Variants in RRBP1 observed in about 807,000 individuals in gnomAD.
The protein encoded by RRBP1 is ribosome-binding protein 1.
RRBP1 carries 94 observed loss-of-function variants against 165.2 expected under a neutral mutation model. That is an observed-to-expected ratio of 0.57 (90% CI 0.48 to 0.68). The LOEUF (loss-of-function observed/expected upper bound fraction) is 0.68, where lower values mean the gene tolerates loss of function less well. RRBP1 is among the 30% of genes least tolerant of loss of function. RRBP1 has a pLI of 0.00. For synonymous variants in RRBP1, 680 were observed against 714.5 expected, an observed-to-expected ratio of 0.95 and a Z score of 0.77; for missense variants, 1,676 against 1,763.0, an observed-to-expected ratio of 0.95 and a Z score of 0.88.
chr20:17,641,905 A>G lies in RRBP1; in HGVS notation c.2076T>C (p.Gly692=), dbSNP rs752526612. The change falls in exon 5 of 25, where the codon GGT becomes GGC. Residue 692 remains glycine, a synonymous_variant. Transcript: ENST00000377813. ...QDTWHKATQK[G]DPVAILKRQL... ...GGCGTTTCAGAATCGCCACAGGGTC[A>G]CCCTTCTGAGTGGCCTAGAAATACC... 1.9e-6 allele frequency: 3 copies of G among 1,613,806 alleles called. No individual in the cohort carries two copies. Among genetic ancestry groups the G allele is most frequent in the Non-Finnish European group, 2.5e-6 (3 of 1,179,782 alleles).
chr20:17,670,820 T>C (rs1190969525), intron 2 of RRBP1, among the ~76,000 whole-genome samples: 3 of 152,192 alleles, frequency 2.0e-5, no homozygotes, highest in Non-Finnish European at 2.9e-5. Context: ...AATGTCTATA[T>C]GTGGATTTAT....
At chr20:17,651,748 G>C (rs1169005459) in intron 3 of RRBP1, among the ~76,000 whole-genome samples, 2 of 152,184 alleles carry the variant, frequency 1.3e-5, no homozygotes, top group African/African-American at 4.8e-5. Flanking sequence ...TTTGTTTGCT[G>C]GAAACACATA....
At chr20:17,620,853 C>A (rs1475824866) in intron 16 of RRBP1, 46 bp from the exon 17 acceptor site, 3 of 1,391,166 alleles carry the variant, frequency 2.2e-6, no homozygotes, top group Non-Finnish European at 2.0e-6. Context: ...CTCCCGAGAC[C>A]CGCACCACAC....
At chr20:17,671,168 G>A (rs981149477) in intron 2 of RRBP1, among the ~76,000 whole-genome samples, 1 of 151,962 alleles carries the variant, frequency 6.6e-6, no homozygotes, top group African/African-American at 2.4e-5. Flanking sequence ...AATTTGCTAG[G>A]TCATTGTATA....
intron 2 of RRBP1, among the ~76,000 whole-genome samples, chr20:17,670,969 C>T (rs1025411920): frequency 1.3e-5 from 2 of 152,212 alleles, no homozygotes; most frequent in African/African-American, 4.8e-5. Context: ...ATCTACTCTT[C>T]CTGAATCTTA....
At chr20:17,627,143 G>A (rs73092284) in intron 11 of RRBP1, among the ~76,000 whole-genome samples, 26,295 of 152,002 alleles carry the variant, frequency 0.17, 2,831 homozygotes, top group East Asian at 0.48. Context: ...ATGTGATCAC[G>A]AAGCTCTCTG....
intron 22 of RRBP1, 34 bp downstream of exon 22, chr20:17,615,892 G>A (rs781297188): frequency 8.3e-6 from 13 of 1,575,204 alleles, no homozygotes; most frequent in Non-Finnish European, 1.1e-5. Context: ...CCCAGGGGCT[G>A]ATGGGGGCTG....
At chr20:17,615,106 G>A (rs935634659) in intron 23 of RRBP1, among the ~76,000 whole-genome samples, 2 of 152,224 alleles carry the variant, frequency 1.3e-5, no homozygotes, top group East Asian at 3.9e-4. Context: ...CCTGGGGCAG[G>A]AGCAGTTTAC....
At chr20:17,662,422 T>TG (rs1156501514) in intron 2 of RRBP1, among the ~76,000 whole-genome samples, 1 of 152,152 alleles carries the variant, frequency 6.6e-6, no homozygotes, top group Non-Finnish European at 1.5e-5. Context: ...TCAGCTGCTG[T>TG]GGCAACACAC....
At chr20:17,623,596 G>A (rs1177097388) in intron 13 of RRBP1, among the ~76,000 whole-genome samples, 3 of 152,182 alleles carry the variant, frequency 2.0e-5, no homozygotes, top group East Asian at 1.9e-4. Flanking sequence ...TCTGTTCCCC[G>A]AGTGCTCGCT....
chr20:17,624,899 G>A (rs893877350), intron 12 of RRBP1, among the ~76,000 whole-genome samples: 2 of 152,210 alleles, frequency 1.3e-5, no homozygotes, highest in African/African-American at 4.8e-5. Context: ...AAGAGGTGGC[G>A]CCCTTTCGAT....
intron 3 of RRBP1, among the ~76,000 whole-genome samples, chr20:17,645,263 G>A (rs974189893): frequency 6.6e-6 from 1 of 152,232 alleles, no homozygotes; most frequent in Non-Finnish European, 1.5e-5. Flanking sequence ...CTCACCCGCC[G>A]CAGGCTCAGT....
rs2036746786 is a variant in RRBP1, at chr20:17,660,544, G to A, written c.-21-16C>T. 1.4e-6 allele frequency: 2 copies of A among 1,462,888 alleles called. No homozygotes were observed. Among genetic ancestry groups the A allele is most frequent in the African/African-American group, 2.8e-5 (2 of 71,062 alleles). The allele number at this position is 1,462,888 out of a possible 1,614,324, so 90.6% of individuals were successfully genotyped here. On this transcript the variant is annotated splice_polypyrimidine_tract_variant and intron_variant, in intron 2 of 24. Coordinates refer to ENST00000377813, the MANE Select transcript of RRBP1 (RefSeq NM_001365613.2). ...TTCCTTTCACCTGTCAAACATACAT[G>A]GAGGTTACTATTTATAGAAATCAAG... is the stretch of plus-strand genomic sequence containing the variant.
At chr20:17,622,931 C>A (rs2035942725) in intron 13 of RRBP1, 1 of 152,276 alleles carries the variant, frequency 6.6e-6, no homozygotes, top group South Asian at 2.1e-4. Flanking sequence ...GGACACCCAG[C>A]CTGAGCGCAG....
chr20:17,642,870 G>A, intron 4 of RRBP1, 109 bp downstream of exon 4: 1 of 1,222,418 alleles, frequency 8.2e-7, no homozygotes, highest in Non-Finnish European at 1.1e-6. Flanking sequence ...CCAGGAAAGA[G>A]AAGTGGAGGC....
chr20:17,614,827 C>T lies in RRBP1; in HGVS notation c.4104G>A (p.Thr1368=), dbSNP rs368823539. ...KLTSDLGRAA[T]RLQELLKTTQ... is the part of the protein sequence containing the mutation. Reference sequence around the variant, plus strand: ...TCGTCTTCAGAAGCTCCTGCAGTCTCGTGGCGGCGCGCCCCAGGTCACTTG... The same window carrying T: ...TCGTCTTCAGAAGCTCCTGCAGTCTTGTGGCGGCGCGCCCCAGGTCACTTG... The change falls in exon 24 of 25, where the codon ACG becomes ACA. Residue 1368 remains threonine (T), a synonymous_variant. Coordinates refer to ENST00000377813, the MANE Select transcript of RRBP1 (RefSeq NM_001365613.2). The T allele has an allele frequency of 8.7e-6, 14 of 1,613,762 alleles. No homozygotes were observed. The highest frequency in any genetic ancestry group is 3.3e-5 in the South Asian group (3 of 91,094).
chr20:17,663,992 G>C (rs2122468995), intron 2 of RRBP1, among the ~76,000 whole-genome samples: 1 of 152,316 alleles, frequency 6.6e-6, no homozygotes, highest in Non-Finnish European at 1.5e-5. Flanking sequence ...CAGTGGGTCT[G>C]AAACTGCAGT....
chr20:17,679,163 C>G (rs2037134041), intron 2 of RRBP1, among the ~76,000 whole-genome samples: 1 of 152,194 alleles, frequency 6.6e-6, no homozygotes, highest in Non-Finnish European at 1.5e-5. Context: ...ACCATTCCCA[C>G]CCCCTAGAAC....
chr20:17,678,613 C>G (rs969198176), intron 2 of RRBP1, among the ~76,000 whole-genome samples: 13 of 152,232 alleles, frequency 8.5e-5, no homozygotes, highest in Admixed American at 4.6e-4. Context: ...AGAATACCAG[C>G]TGCCTCTACA....
Sources: gnomAD v4.1 joint callset for allele counts (sites outside exome capture counted in the v4.1 genomes callset) on GRCh38, gnomAD v4.1.1 for gene constraint, MANE v1.5 for transcripts, NCBI Gene and HGNC (gene_info 2026-07-23, HGNC 2026-07-21) for gene names.